The following SEC31B variants were observed in gnomAD, a reference collection of about 807,000 sequenced individuals.
The protein encoded by SEC31B is protein transport protein Sec31B.
In SEC31B, 113 loss-of-function variants were observed where a neutral mutation model predicts 135.0. The ratio of observed to expected loss-of-function variants is 0.84; its 90% CI spans 0.72 to 0.98. The LOEUF (loss-of-function observed/expected upper bound fraction) is 0.98, where lower values mean the gene tolerates loss of function less well. Ranked by LOEUF, SEC31B falls within the 50% of genes least tolerant of loss-of-function variation. The pLI is 0.00. For synonymous variants in SEC31B, 508 were observed against 549.4 expected (o/e 0.92, Z 1.05); for missense variants, 1,296 against 1,421.1 (o/e 0.91, Z 1.42).
chr10:100,488,391 A>G (rs937497392), intron 24 of SEC31B, among the ~76,000 whole-genome samples: 23 of 150,362 alleles, frequency 1.5e-4, no homozygotes, highest in African/African-American at 3.2e-4. Context: ...CCCGGGAGGC[A>G]GAGCTTGCAG....
Position 100,502,236 on chromosome 10 carries a change from A to AGCCTTCAGGCTTCCC in SEC31B, c.1410+3_1410+17dup, listed in dbSNP as rs1406477574. 17 of 1,601,314 alleles carry AGCCTTCAGGCTTCCC rather than the reference A, an allele frequency of 1.1e-5. 1 individual carries two copies. The African/African-American group carries it at 2.0e-4, about 19-fold the overall frequency. On this transcript the variant is annotated intron_variant, in intron 11 of 25. Coordinates refer to ENST00000370345, the MANE Select transcript of SEC31B (RefSeq NM_015490.4). ...TTTGGGGAGACACTTCTGAGCAGCT[A>AGCCTTCAGGCTTCCC]GCCTTCAGGCTTCCCACCTTCAGGA...
chr10:100,508,569 A>G (rs1348315237), intron 5 of SEC31B: 4 of 458,520 alleles, frequency 8.7e-6, no homozygotes, highest in Non-Finnish European at 1.7e-5. Context: ...CAGACCCCCA[A>G]CTGCATGGCA....
rs371580343 is a variant in SEC31B, at chr10:100,502,307, T to C, written c.1357A>G (p.Lys453Glu). ...CTTTGCAGTAAAGCTTGCTGGCTCT[T>C]GTTCTGACAGTAATTCAGTAGATTT... is the stretch of plus-strand genomic sequence containing the variant. ...SGNLLNYCQN[K>E]SQQALLQSEK... Residue 453 changes from lysine to glutamate, a missense_variant, in exon 11 of 26, where the codon AAG becomes GAG. Coordinates refer to ENST00000370345, the MANE Select transcript of SEC31B (RefSeq NM_015490.4). 4 of 1,614,108 alleles carry C rather than the reference T, an allele frequency of 2.5e-6. No homozygotes were observed. Among genetic ancestry groups the C allele is most frequent in the Admixed American group, 1.7e-5 (1 of 60,006 alleles).
At chr10:100,502,101 G>A (rs188361509) in intron 11 of SEC31B, among the ~76,000 whole-genome samples, 153 bp downstream of exon 11, 2 of 152,368 alleles carry the variant, frequency 1.3e-5, no homozygotes, top group East Asian at 3.9e-4. Flanking sequence ...TTTGTGTCTA[G>A]ATGGTGGGTA....
chr10:100,518,417 G>A (rs990116376), intron 1 of SEC31B, among the ~76,000 whole-genome samples: 4 of 152,088 alleles, frequency 2.6e-5, no homozygotes, highest in Non-Finnish European at 5.9e-5. Context: ...AAAAGCCTCA[G>A]TTTTTTTCTT....
At chr10:100,495,675 T>A in intron 18 of SEC31B, 129 bp from the exon 19 acceptor site, 2 of 1,027,370 alleles carry the variant, frequency 1.9e-6, no homozygotes, top group South Asian at 1.4e-5. Flanking sequence ...GTTGTTGTTG[T>A]TCTGTTCTGT....
At chr10:100,519,366 G>T (rs973542799) in intron 1 of SEC31B, among the ~76,000 whole-genome samples, 5 of 152,274 alleles carry the variant, frequency 3.3e-5, no homozygotes, top group Non-Finnish European at 5.9e-5. Flanking sequence ...ACCCTTGGCA[G>T]TCCAGTCCCT....
At chr10:100,490,549 G>A in intron 20 of SEC31B, 157 bp downstream of exon 20, 1 of 898,198 alleles carries the variant, frequency 1.1e-6, no homozygotes, top group Non-Finnish European at 1.6e-6. Context: ...TATTGCCAAA[G>A]GTACGAAGCC....
chr10:100,516,835 T>C (rs562907587), intron 2 of SEC31B, 39 bp downstream of exon 2: 3 of 1,443,920 alleles, frequency 2.1e-6, no homozygotes, highest in Admixed American at 3.4e-5. Flanking sequence ...CCTCAACTTA[T>C]GTACTCCCAG....
chr10:100,505,559 C>A (rs1851614050), intron 9 of SEC31B, 64 bp from the exon 10 acceptor site: 2 of 1,500,868 alleles, frequency 1.3e-6, no homozygotes, highest in East Asian at 2.4e-5. Context: ...ACTCCACCTA[C>A]AAACTCCATT....
chr10:100,516,141 G>A lies in SEC31B; in HGVS notation c.158C>T (p.Pro53Leu). The change falls in exon 3 of 26, where the codon CCT becomes CTT. Residue 53 changes from proline (P) to leucine (L), a missense_variant. Pro to Leu is a moderately conservative substitution (Grantham distance 98, BLOSUM62 -3). Transcript: ENST00000370345. ...TCCTCTGTGTTTCAAGTCCAGAGAA[G>A]GGTCCCTGAAATCAACCTCAAATAT... is the stretch of plus-strand genomic sequence containing the variant. ...LEIFEVDFRD[P>L]SLDLKHRGVL... 5 of 1,614,006 alleles carry A rather than the reference G, an allele frequency of 3.1e-6. No homozygotes were observed. Among genetic ancestry groups the A allele is most frequent in the Non-Finnish European group, 4.2e-6 (5 of 1,179,980 alleles).
intron 16 of SEC31B, 52 bp downstream of exon 16, chr10:100,497,615 A>G: frequency 6.2e-7 from 1 of 1,613,014 alleles, no homozygotes; most frequent in Non-Finnish European, 8.5e-7. Flanking sequence ...GCATCCTTTG[A>G]CTCCATGCTG....
intron 24 of SEC31B, 103 bp downstream of exon 24, chr10:100,488,755 G>A (rs1359827884): frequency 1.7e-5 from 24 of 1,400,216 alleles, no homozygotes; most frequent in Admixed American, 2.6e-5. Flanking sequence ...GCATGTCCAG[G>A]GGCAGTGAGA....
At position 100,503,308 on chromosome 10, in the gene SEC31B, T is replaced by C. The variant is rs138596732; in HGVS notation, c.1180-824A>G. 6.9e-3 allele frequency among the ~76,000 whole-genome samples: 1,056 copies of C among 152,190 alleles called. 11 individuals are homozygous for C. The highest frequency in any genetic ancestry group is 0.024 in the African/African-American group (981 of 41,508). On this transcript the variant is annotated intron_variant, in intron 10 of 25. Transcript: ENST00000370345. ...ACATTGGCTGCATATTAAAACCACA[T>C]GGAGAACAATCCAGACTTGCCAGGC...
chr10:100,519,180 G>C (rs1451020519), intron 1 of SEC31B, among the ~76,000 whole-genome samples: 1 of 152,220 alleles, frequency 6.6e-6, no homozygotes, highest in East Asian at 1.9e-4. Flanking sequence ...ACCCTAGAAA[G>C]TGTTTTAATC....
Position 100,507,580 on chromosome 10 carries a change from C to T in SEC31B, c.640-13G>A, listed in dbSNP as rs199661425. ...CTGAGCAGTGCATCTGTGAACAAAG[C>T]AGATCCCAATGGGTGCTGTAACCTG... On this transcript the variant is annotated splice_polypyrimidine_tract_variant and intron_variant, in intron 6 of 25. Transcript: ENST00000370345. 3.7e-6 allele frequency: 6 copies of T among 1,614,054 alleles called. No individual in the cohort carries two copies. Among genetic ancestry groups the T allele is most frequent in the Non-Finnish European group, 5.1e-6 (6 of 1,179,906 alleles).
Position 100,516,979 on chromosome 10 carries a change from T to G in SEC31B, c.-27A>C. Reference sequence around the variant, plus strand: ...GTCTATCCTGTAGGTGGCAGAAAACTGACATGGCCCTCAGCCCACTGAAAA... The same window carrying G: ...GTCTATCCTGTAGGTGGCAGAAAACGGACATGGCCCTCAGCCCACTGAAAA... On this transcript the variant is annotated 5_prime_UTR_variant, in exon 2 of 26. Coordinates refer to ENST00000370345, the MANE Select transcript of SEC31B (RefSeq NM_015490.4). The G allele has an allele frequency of 1.3e-6, 2 of 1,575,128 alleles. No homozygotes were observed. Among genetic ancestry groups the G allele is most frequent in the Non-Finnish European group, 1.7e-6 (2 of 1,144,638 alleles).
Position 100,490,129 on chromosome 10 carries a change from G to A in SEC31B, c.2844C>T (p.Gly948=). Residue 948 remains glycine (G), a synonymous_variant, in exon 21 of 26, where the codon GGC becomes GGT. Transcript: ENST00000370345. ...GGGCTGGGGTGTGGGAGACCATGCG[G>A]CCGGGACCTAGTGGTCTCAGAGGAA... ...PLLPLRPLGP[G]RMVSHTPAPP... is the part of the protein sequence containing the mutation. 1 of 1,592,668 alleles carries A rather than the reference G, an allele frequency of 6.3e-7. No individual in the cohort carries two copies. Among genetic ancestry groups the A allele is most frequent in the Non-Finnish European group, 8.5e-7 (1 of 1,170,274 alleles).
chr10:100,497,038 T>C, intron 17 of SEC31B, 97 bp downstream of exon 17: 1 of 1,462,010 alleles, frequency 6.8e-7, no homozygotes, highest in Non-Finnish European at 9.3e-7. Flanking sequence ...TTCCAGCCTG[T>C]CCCAGAAGAT....
Sources: gnomAD v4.1 joint callset for allele counts (sites outside exome capture counted in the v4.1 genomes callset) on GRCh38, gnomAD v4.1.1 for gene constraint, MANE v1.5 for transcripts, NCBI Gene and HGNC (gene_info 2026-07-23, HGNC 2026-07-21) for gene names.